GLP1R: variants seen among roughly 807,000 people sequenced by gnomAD.
GLP1R encodes the protein glucagon-like peptide 1 receptor.
GLP1R carries 32 observed loss-of-function variants against 68.4 expected under a neutral mutation model. The observed-to-expected ratio is 0.47, with a 90% CI of 0.35 to 0.63. GLP1R has a LOEUF of 0.63. GLP1R is among the 20% of genes least tolerant of loss of function. The probability of loss-of-function intolerance (pLI) is 0.00; values close to 1 mark genes in which losing one functional copy is unlikely to be tolerated. For missense variants in GLP1R, 502 were observed against 594.9 expected, an observed-to-expected ratio of 0.84 and a Z score of 1.62; for synonymous variants, 263 against 244.4, an observed-to-expected ratio of 1.08 and a Z score of -0.71.
chr6:39,080,880 A>C, intron 12 of GLP1R, 141 bp downstream of exon 12: 3 of 549,550 alleles, frequency 5.5e-6, no homozygotes, highest in South Asian at 5.5e-5. Context: ...TTGAGAAGCC[A>C]TCTTGTCCAC....
In GLP1R at chr6:39,078,738, T is replaced by C. The variant is rs115357991; in HGVS notation, c.885-219T>C. Among the ~76,000 whole-genome samples, 412 of 152,260 alleles carry C rather than the reference T, an allele frequency of 2.7e-3. 1 individual carries two copies. The highest frequency in any genetic ancestry group is 0.014 in the South Asian group (67 of 4,822). Reference sequence around the variant, plus strand: ...AGCTTGTTTGGGGGCTGTGTGCATCTCTGTGTATGACTGTGTATTTGGACT... The same window carrying C: ...AGCTTGTTTGGGGGCTGTGTGCATCCCTGTGTATGACTGTGTATTTGGACT... On this transcript the variant is annotated intron_variant, in intron 8 of 12. Coordinates refer to ENST00000373256, the MANE Select transcript of GLP1R (RefSeq NM_002062.5).
intron 5 of GLP1R, among the ~76,000 whole-genome samples, chr6:39,071,003 T>G (rs1468517776): frequency 6.6e-6 from 1 of 152,170 alleles, no homozygotes; most frequent in Non-Finnish European, 1.5e-5. Flanking sequence ...TTGATTGCTT[T>G]AAAATTATTC....
chr6:39,075,951 C>T (rs974529707), intron 7 of GLP1R, among the ~76,000 whole-genome samples: 2 of 152,202 alleles, frequency 1.3e-5, no homozygotes, highest in African/African-American at 4.8e-5. Flanking sequence ...CTTTTTTCTC[C>T]AACCTGTCTT....
intron 7 of GLP1R, among the ~76,000 whole-genome samples, chr6:39,074,947 A>C (rs1583640921): frequency 6.7e-6 from 1 of 149,190 alleles, no homozygotes; most frequent in African/African-American, 2.5e-5. Flanking sequence ...AGCTCCCCCC[A>C]CCCCCCAGGA....
intron 2 of GLP1R, among the ~76,000 whole-genome samples, chr6:39,057,163 C>T (rs1028776292): frequency 2.0e-5 from 3 of 152,192 alleles, no homozygotes; most frequent in African/African-American, 4.8e-5. Flanking sequence ...TCATTGAGCA[C>T]GTACTATGTT....
chr6:39,068,038 G>T (rs965238264), intron 5 of GLP1R, among the ~76,000 whole-genome samples: 3 of 152,156 alleles, frequency 2.0e-5, no homozygotes, highest in Admixed American at 6.5e-5. Context: ...GCCAGAGATT[G>T]GAGACCAGCC....
At chr6:39,053,549 A>G (rs1018842096) in intron 1 of GLP1R, among the ~76,000 whole-genome samples, 1 of 152,212 alleles carries the variant, frequency 6.6e-6, no homozygotes. Flanking sequence ...ACTAAACAGT[A>G]GAAATCATGG....
Position 39,086,336 on chromosome 6 carries a change from C to G in GLP1R, c.*263C>G. On this transcript the variant is annotated 3_prime_UTR_variant, in exon 13 of 13. Transcript: ENST00000373256. This position sits in a 1 kb window ranked among gnomAD's most constrained non-coding sequence, Gnocchi z 4.5. ...CACAGTGGCGAGAGGAGAGGAAAAA[C>G]GATCGCTGTGAAAATGAGGAGGATT... 2.6e-6 allele frequency: 1 copy of G among 391,788 alleles called. No individual in the cohort carries two copies. 24.3% of individuals were successfully genotyped at this position (391,788 alleles called of 1,614,324 possible). A position where few individuals can be genotyped will look rare whatever the true frequency, so the allele number is the denominator to read the frequency against.
chr6:39,060,898 G>A (rs1258134178), intron 3 of GLP1R, among the ~76,000 whole-genome samples: 1 of 152,228 alleles, frequency 6.6e-6, no homozygotes, highest in Non-Finnish European at 1.5e-5. Flanking sequence ...CCTCCATGGA[G>A]CTGAAGGTCG....
intron 3 of GLP1R, 107 bp from the exon 4 acceptor site, chr6:39,065,604 T>A: frequency 1.5e-6 from 1 of 659,126 alleles, no homozygotes; most frequent in Non-Finnish European, 2.7e-6. Flanking sequence ...TAGTCCATTC[T>A]GGGGGAGCAG....
At chr6:39,081,688 C>T (rs1769016828) in intron 12 of GLP1R, among the ~76,000 whole-genome samples, 1 of 152,116 alleles carries the variant, frequency 6.6e-6, no homozygotes, top group Admixed American at 6.5e-5. Context: ...CTGGGTGTTT[C>T]AAGGAGCTAT....
chr6:39,065,594 T>G, intron 3 of GLP1R, 117 bp from the exon 4 acceptor site: 1 of 627,840 alleles, frequency 1.6e-6, no homozygotes, highest in Non-Finnish European at 2.9e-6. Context: ...TAACTCAGAG[T>G]AGTCCATTCT....
intron 12 of GLP1R, 87 bp downstream of exon 12, chr6:39,080,826 C>T: frequency 6.4e-6 from 5 of 785,696 alleles, no homozygotes; most frequent in Non-Finnish European, 1.0e-5. Context: ...TCCCATCAAT[C>T]TTGCCAGCTG....
Position 39,056,404 on chromosome 6 carries a change from C to A in GLP1R, c.86C>A (p.Thr29Asn). The change falls in exon 2 of 13, where the codon ACT (threonine) becomes AAT (asparagine). Residue 29 changes from threonine (T) to asparagine (N), a missense_variant. Physicochemically the swap from Thr to Asn is moderately conservative, Grantham distance 65. Transcript: ENST00000373256. ...TATATGCCCTCCCCCCAGGGTGCCA[C>A]TGTGTCCCTCTGGGAGACGGTGCAG... ...GRAGPRPQGA[T>N]VSLWETVQKW... is the part of the protein sequence containing the mutation. 1 of 1,593,654 alleles carries A rather than the reference C, an allele frequency of 6.3e-7. No homozygotes were observed. The highest frequency in any genetic ancestry group is 2.2e-5 in the East Asian group (1 of 44,734).
intron 7 of GLP1R, among the ~76,000 whole-genome samples, chr6:39,076,079 G>A (rs1768817903): frequency 6.6e-6 from 1 of 152,226 alleles, no homozygotes; most frequent in Non-Finnish European, 1.5e-5. Flanking sequence ...TGCTGACGAT[G>A]AGTGAAACTT....
At chr6:39,063,302 G>A (rs1768395660) in intron 3 of GLP1R, among the ~76,000 whole-genome samples, 1 of 152,188 alleles carries the variant, frequency 6.6e-6, no homozygotes. Flanking sequence ...CTTGGCCCCA[G>A]TGAAGAATCT....
chr6:39,070,269 G>A (rs1157180010), intron 5 of GLP1R, among the ~76,000 whole-genome samples: 1 of 152,200 alleles, frequency 6.6e-6, no homozygotes, highest in African/African-American at 2.4e-5. Context: ...CCAACATTAT[G>A]TTTGTGTGAG....
intron 1 of GLP1R, among the ~76,000 whole-genome samples, chr6:39,055,788 G>A (rs1170128960): frequency 6.6e-6 from 1 of 152,132 alleles, no homozygotes; most frequent in Non-Finnish European, 1.5e-5. Context: ...AATGCTAATG[G>A]CAGACATCCC....
chr6:39,085,869 C>T lies in GLP1R; in HGVS notation c.1225-37C>T, dbSNP rs1769130359. On this transcript the variant is annotated intron_variant, in intron 12 of 12. Transcript: ENST00000373256. Reference sequence around the variant, plus strand: ...GGCCATTTTGTTAGCCATTGGTTTGCATGATGGCTTTCGTTTCCCTCCTTT... The same window carrying T: ...GGCCATTTTGTTAGCCATTGGTTTGTATGATGGCTTTCGTTTCCCTCCTTT... The T allele has an allele frequency of 1.9e-6, 3 of 1,604,590 alleles. No individual in the cohort carries two copies. The Admixed American group carries it at 5.0e-5, about 27-fold the overall frequency.
Sources: allele counts gnomAD v4.1 joint callset (sites outside exome capture counted in the v4.1 genomes callset), GRCh38; gene constraint gnomAD v4.1.1; non-coding constraint Gnocchi (gnomAD v3.1); transcripts MANE v1.5; gene names NCBI Gene and HGNC (gene_info 2026-07-23, HGNC 2026-07-21).